Variants in CTNNA1 observed in about 807,000 individuals in gnomAD.
CTNNA1 encodes the protein catenin alpha-1.
Under a neutral mutation model 98.4 loss-of-function variants are expected in CTNNA1, and 37 were observed. The observed-to-expected ratio is 0.38, with a 90% CI of 0.29 to 0.49. CTNNA1 has a LOEUF of 0.49. Ranked by LOEUF, CTNNA1 falls within the 20% of genes least tolerant of loss-of-function variation. The pLI, the probability that CTNNA1 is intolerant of heterozygous loss-of-function variation, is 0.95. For synonymous variants in CTNNA1, 404 were observed against 413.2 expected (o/e 0.98, Z 0.27); for missense variants, 761 against 1,147.2 (o/e 0.66, Z 4.86).
chr5:138,838,880 C>G (rs958065197), intron 7 of CTNNA1, among the ~76,000 whole-genome samples: 32 of 152,148 alleles, frequency 2.1e-4, no homozygotes, highest in African/African-American at 7.5e-4. Flanking sequence ...ATCCTCCCAC[C>G]TCGGCCTCCC....
intron 3 of CTNNA1, among the ~76,000 whole-genome samples, chr5:138,800,548 A>C (rs969851872): frequency 6.6e-5 from 10 of 152,264 alleles, no homozygotes; most frequent in Admixed American, 6.5e-4. Context: ...TAATCCCAGC[A>C]CTTTGGGAGG....
intron 16 of CTNNA1, chr5:138,931,839 G>C (rs1176453266): frequency 2.0e-6 from 2 of 985,408 alleles, no homozygotes; most frequent in Non-Finnish European, 2.4e-6. Context: ...ACCACTCTCT[G>C]TGGTGTACTT....
rs1468631418 is a variant in CTNNA1 at position 138,874,375 on chromosome 5, G to A, written c.1063-11837G>A. On this transcript the variant is annotated intron_variant, in intron 7 of 17. Transcript: ENST00000302763. The surrounding 1 kb of genome is among the most constrained non-coding windows in gnomAD (Gnocchi z 4.1). ...TGTGCCTCAGGGACAGGCCCAGAGAGCCCTTGTCTGTGGCGTTTGGCACTG... is the reference window on the plus strand; with the variant it reads ...TGTGCCTCAGGGACAGGCCCAGAGAACCCTTGTCTGTGGCGTTTGGCACTG... 1.2e-6 allele frequency: 2 copies of A among 1,613,888 alleles called. No individual in the cohort carries two copies. The highest frequency in any genetic ancestry group is 1.7e-6 in the Non-Finnish European group (2 of 1,179,904).
intron 3 of CTNNA1, among the ~76,000 whole-genome samples, chr5:138,793,919 G>A (rs755265104): frequency 1.3e-5 from 2 of 152,112 alleles, no homozygotes; most frequent in Admixed American, 6.6e-5. Flanking sequence ...ATGGGGAAGG[G>A]GGGGAAGTTA....
intron 11 of CTNNA1, among the ~76,000 whole-genome samples, chr5:138,919,091 C>T (rs1762398038): frequency 6.6e-6 from 1 of 152,198 alleles, no homozygotes; most frequent in Non-Finnish European, 1.5e-5. Flanking sequence ...TGCAGGACTG[C>T]CAAATTGCAG....
At chr5:138,903,084 T>C (rs916835747) in intron 9 of CTNNA1, among the ~76,000 whole-genome samples, 1 of 152,154 alleles carries the variant, frequency 6.6e-6, no homozygotes, top group Non-Finnish European at 1.5e-5. Flanking sequence ...TGCTTCTTTA[T>C]GTGACTTTGA....
chr5:138,844,123 C>G (rs1353583307), intron 7 of CTNNA1, among the ~76,000 whole-genome samples: 1 of 150,742 alleles, frequency 6.6e-6, no homozygotes, highest in African/African-American at 2.5e-5. Flanking sequence ...AATGGCCACT[C>G]CATAGGCAGA....
intron 3 of CTNNA1, among the ~76,000 whole-genome samples, chr5:138,794,316 CTCTTT>C (rs1756696355): frequency 1.3e-5 from 2 of 152,056 alleles, no homozygotes; most frequent in African/African-American, 4.8e-5. Flanking sequence ...TGGGCCTGGC[CTCTTT>C]TCTTTCAAAA....
At chr5:138,918,436 G>GTT (rs1414030863) in intron 11 of CTNNA1, among the ~76,000 whole-genome samples, 2 of 152,142 alleles carry the variant, frequency 1.3e-5, no homozygotes, top group Admixed American at 1.3e-4. Context: ...CATAGTCATA[G>GTT]TTTATCTGCC....
At chr5:138,876,807 C>T (rs1264670779) in intron 7 of CTNNA1, among the ~76,000 whole-genome samples, 1 of 152,192 alleles carries the variant, frequency 6.6e-6, no homozygotes, top group African/African-American at 2.4e-5. Context: ...AGGTCCCTTC[C>T]TTAGGGCTCT....
chr5:138,802,265 A>T (rs1332511973), intron 3 of CTNNA1, among the ~76,000 whole-genome samples: 3 of 152,226 alleles, frequency 2.0e-5, no homozygotes, highest in Admixed American at 6.5e-5. Context: ...ATATTAGTTG[A>T]CTATATCATA....
At chr5:138,810,273 C>A in intron 4 of CTNNA1, 69 bp downstream of exon 4, 1 of 1,531,870 alleles carries the variant, frequency 6.5e-7, no homozygotes, top group South Asian at 1.2e-5. Flanking sequence ...TTCCTTAGTT[C>A]AGTATTCCTT....
intron 11 of CTNNA1, among the ~76,000 whole-genome samples, chr5:138,921,556 TTC>T (rs1020345036): frequency 3.3e-4 from 50 of 152,072 alleles, no homozygotes; most frequent in South Asian, 6.2e-4. Context: ...TATAGACAGT[TTC>T]TCTCTTTGGA....
At chr5:138,924,365 C>T (rs1763566632) in intron 11 of CTNNA1, 145 bp from the exon 12 acceptor site, 2 of 661,608 alleles carry the variant, frequency 3.0e-6, no homozygotes, top group Non-Finnish European at 5.2e-6. Flanking sequence ...TGTCACTAGT[C>T]ACTGGTCTCT....
intron 7 of CTNNA1, among the ~76,000 whole-genome samples, chr5:138,862,371 C>T (rs1764365920): frequency 6.6e-6 from 1 of 152,076 alleles, no homozygotes; most frequent in South Asian, 2.1e-4. Flanking sequence ...CAAAAAGGAA[C>T]GTAATAGTGA....
chr5:138,925,226 A>G (rs779532387), intron 12 of CTNNA1, 30 bp from the exon 13 acceptor site: 3 of 1,605,552 alleles, frequency 1.9e-6, no homozygotes, highest in South Asian at 2.2e-5. Flanking sequence ...CCTGCTGACC[A>G]GGGTATCTAC....
At chr5:138,887,767 T>C (rs1271209166) in intron 9 of CTNNA1, 125 bp downstream of exon 9, 1 of 746,832 alleles carries the variant, frequency 1.3e-6, no homozygotes, top group Non-Finnish European at 2.2e-6. Context: ...TCTGAGATGA[T>C]AGTCTTTCAT....
chr5:138,925,527 A>G, intron 13 of CTNNA1, 120 bp downstream of exon 13: 1 of 1,357,296 alleles, frequency 7.4e-7, no homozygotes, highest in Non-Finnish European at 9.9e-7. Flanking sequence ...CATGAATCTA[A>G]AAGCTGTTAG....
intron 5 of CTNNA1, among the ~76,000 whole-genome samples, chr5:138,822,174 A>G (rs1421204529): frequency 6.6e-6 from 1 of 152,220 alleles, no homozygotes; most frequent in Non-Finnish European, 1.5e-5. Context: ...GAACATATGC[A>G]CCAGCTGTTT....
Sources: gnomAD v4.1 joint callset for allele counts (sites outside exome capture counted in the v4.1 genomes callset) on GRCh38, gnomAD v4.1.1 for gene constraint, Gnocchi (gnomAD v3.1) non-coding constraint, MANE v1.5 for transcripts, NCBI Gene and HGNC (gene_info 2026-07-23, HGNC 2026-07-21) for gene names.